PLCL2: variants seen among roughly 807,000 people sequenced by gnomAD.
PLCL2 encodes phospholipase C like 2.
In PLCL2, 4 loss-of-function variants were observed where a neutral mutation model predicts 79.6. That is an observed-to-expected ratio of 0.05 (90% CI 0.02 to 0.11). PLCL2 has a LOEUF of 0.11. Ranked by LOEUF, PLCL2 falls within the 10% of genes least tolerant of loss-of-function variation. The probability of loss-of-function intolerance (pLI) is 1.00; values close to 1 mark genes in which losing one functional copy is unlikely to be tolerated. For synonymous variants in PLCL2, 484 were observed against 457.7 expected (o/e 1.06, Z -0.73); for missense variants, 895 against 1,291.0 (o/e 0.69, Z 4.70).
intron 5 of PLCL2, among the ~76,000 whole-genome samples, chr3:17,072,548 A>C (rs150469756): frequency 0.036 from 5,476 of 152,002 alleles, 127 homozygotes; most frequent in South Asian, 0.062. Flanking sequence ...GGGTGCTTGT[A>C]ATCCCAGCTA....
At chr3:16,888,968 T>C (rs1448758345) in intron 1 of PLCL2, among the ~76,000 whole-genome samples, 1 of 152,204 alleles carries the variant, frequency 6.6e-6, no homozygotes, top group Non-Finnish European at 1.5e-5. Flanking sequence ...CATGAAGATA[T>C]AGGGCACTAA....
At position 16,921,274 on chromosome 3, in the gene PLCL2, C is replaced by G. The variant is rs189327976; in HGVS notation, c.327+35908C>G. 4.1e-3 allele frequency among the ~76,000 whole-genome samples: 618 copies of G among 152,214 alleles called. 2 individuals are homozygous for G. The highest frequency in any genetic ancestry group is 0.014 in the African/African-American group (592 of 41,524). On this transcript the variant is annotated intron_variant, in intron 1 of 5. Transcript: ENST00000615277. ...AAAGAGTCTTTCAAATAATTAGTGT[C>G]AAGTAGATTATTTTAGTTTTAATTT...
At chr3:16,970,609 T>C (rs906068593) in intron 1 of PLCL2, among the ~76,000 whole-genome samples, 3 of 149,386 alleles carry the variant, frequency 2.0e-5, no homozygotes, top group Admixed American at 6.7e-5. Flanking sequence ...ATGGTATTTC[T>C]AGTTCTAGAT....
rs1257856810 is a variant in PLCL2 at position 16,980,448 on chromosome 3, C to T, written c.328-29226C>T. Among the ~76,000 whole-genome samples, 25 of 150,332 alleles carry T rather than the reference C, an allele frequency of 1.7e-4. No homozygotes were observed. In the East Asian group the frequency reaches 4.7e-3, roughly 28 times the overall value. Reference sequence around the variant, plus strand: ...GCGGTTGCCAGGCAGAGGGTCTCCTCACTTCTCAGACGGGGCGGCCGGGCA... The same window carrying T: ...GCGGTTGCCAGGCAGAGGGTCTCCTTACTTCTCAGACGGGGCGGCCGGGCA... On this transcript the variant is annotated intron_variant, in intron 1 of 5. Transcript: ENST00000615277.
At chr3:17,085,700 C>T (rs185246780) in intron 5 of PLCL2, among the ~76,000 whole-genome samples, 2,654 of 148,256 alleles carry the variant, frequency 0.018, 53 homozygotes, top group East Asian at 0.05. Context: ...CCGCCCGCCT[C>T]GGCCTCCCAA....
intron 5 of PLCL2, among the ~76,000 whole-genome samples, chr3:17,071,225 T>C (rs2065057426): frequency 6.6e-6 from 1 of 152,204 alleles, no homozygotes; most frequent in South Asian, 2.1e-4. Context: ...CTGGGACCAT[T>C]GATCACCCTG....
At chr3:17,045,099 A>G (rs2064766887) in intron 4 of PLCL2, among the ~76,000 whole-genome samples, 1 of 152,214 alleles carries the variant, frequency 6.6e-6, no homozygotes, top group Non-Finnish European at 1.5e-5. Context: ...GTTTACAATT[A>G]TGGTAAGGAC....
chr3:16,968,545 T>C (rs2063827709), intron 1 of PLCL2, among the ~76,000 whole-genome samples: 1 of 152,044 alleles, frequency 6.6e-6, no homozygotes, highest in African/African-American at 2.4e-5. Context: ...GTGAATAGGA[T>C]TGTATTCTTG....
chr3:17,086,185 T>C (rs1047854282), intron 5 of PLCL2, among the ~76,000 whole-genome samples: 5 of 152,302 alleles, frequency 3.3e-5, no homozygotes, highest in Middle Eastern at 6.8e-3. Context: ...TATCTGACTT[T>C]AAAACTTACT....
intron 4 of PLCL2, among the ~76,000 whole-genome samples, chr3:17,056,003 T>C (rs530305739): frequency 9.9e-4 from 151 of 152,296 alleles, no homozygotes; most frequent in Non-Finnish European, 1.9e-3. Flanking sequence ...GTACCTGTTC[T>C]GTGATTAAAT....
chr3:16,962,195 T>C (rs1215640865), intron 1 of PLCL2, among the ~76,000 whole-genome samples: 3 of 152,154 alleles, frequency 2.0e-5, no homozygotes, highest in Non-Finnish European at 4.4e-5. Flanking sequence ...GAAAGGGATA[T>C]TAGAGAACAG....
At chr3:17,021,984 G>A (rs78709863) in intron 3 of PLCL2, among the ~76,000 whole-genome samples, 4,330 of 152,210 alleles carry the variant, frequency 0.028, 226 homozygotes, top group African/African-American at 0.1. Context: ...CAGTTCCTGG[G>A]TAGATTTCAT....
At chr3:16,898,557 A>G (rs980577009) in intron 1 of PLCL2, among the ~76,000 whole-genome samples, 3 of 152,250 alleles carry the variant, frequency 2.0e-5, no homozygotes, top group Non-Finnish European at 4.4e-5. Flanking sequence ...ACATAGCCAC[A>G]TAGCAAGCGT....
chr3:17,039,660 G>C (rs2064698766), intron 3 of PLCL2, among the ~76,000 whole-genome samples: 1 of 152,154 alleles, frequency 6.6e-6, no homozygotes, highest in South Asian at 2.1e-4. Flanking sequence ...TGCCTGCCTT[G>C]TCTAAGCTTT....
At chr3:16,939,633 T>C (rs1697630117) in intron 1 of PLCL2, among the ~76,000 whole-genome samples, 1 of 152,204 alleles carries the variant, frequency 6.6e-6, no homozygotes, top group African/African-American at 2.4e-5. Flanking sequence ...TAGTTATTTC[T>C]AGAATAAAAT....
intron 5 of PLCL2, among the ~76,000 whole-genome samples, chr3:17,077,529 T>C (rs2065119804): frequency 6.6e-6 from 1 of 152,222 alleles, no homozygotes; most frequent in Admixed American, 6.5e-5. Flanking sequence ...AGAATGGAAA[T>C]TCTGTAATGC....
At chr3:16,953,011 A>T (rs146323962) in intron 1 of PLCL2, among the ~76,000 whole-genome samples, 328 of 152,262 alleles carry the variant, frequency 2.2e-3, no homozygotes, top group Admixed American at 4.3e-3. Context: ...AGAAAAATTT[A>T]AAAAATGTAA....
chr3:17,035,424 C>T (rs2064637050), intron 3 of PLCL2, among the ~76,000 whole-genome samples: 1 of 27,052 alleles, frequency 3.7e-5, no homozygotes, highest in South Asian at 1.6e-3. Flanking sequence ...GACCAGTTTT[C>T]TCTCTTATCT....
intron 3 of PLCL2, among the ~76,000 whole-genome samples, chr3:17,031,050 C>T (rs183975716): frequency 2.6e-5 from 4 of 152,250 alleles, no homozygotes; most frequent in Admixed American, 6.5e-5. Context: ...AAAGAGTTAA[C>T]GTAGCATCCA....
Sources: gnomAD v4.1 joint callset for allele counts (sites outside exome capture counted in the v4.1 genomes callset) on GRCh38, gnomAD v4.1.1 for gene constraint, MANE v1.5 for transcripts, NCBI Gene and HGNC (gene_info 2026-07-23, HGNC 2026-07-21) for gene names.